Variants in RSPO2 observed in about 807,000 individuals in gnomAD.
RSPO2 encodes R-spondin-2.
A neutral mutation model predicts 30.9 loss-of-function variants in RSPO2; 14 were observed. That is an observed-to-expected ratio of 0.45 (90% CI 0.30 to 0.71). The LOEUF (loss-of-function observed/expected upper bound fraction) is 0.71, where lower values mean the gene tolerates loss of function less well. Ranked by LOEUF, RSPO2 falls within the 30% of genes least tolerant of loss-of-function variation. The probability of loss-of-function intolerance (pLI) is 0.08; values close to 1 mark genes in which losing one functional copy is unlikely to be tolerated. For missense variants in RSPO2, 264 were observed against 301.9 expected, an observed-to-expected ratio of 0.87 and a Z score of 0.93; for synonymous variants, 107 against 96.4, an observed-to-expected ratio of 1.11 and a Z score of -0.64.
intron 2 of RSPO2, among the ~76,000 whole-genome samples, chr8:108,072,581 G>A (rs183915742): frequency 3.0e-4 from 44 of 147,486 alleles, no homozygotes; most frequent in Admixed American, 2.4e-3. Context: ...CTCGTGATCC[G>A]CCCGCCTCGG....
chr8:107,942,498 T>A (rs1174406366), intron 5 of RSPO2, among the ~76,000 whole-genome samples: 3 of 152,208 alleles, frequency 2.0e-5, no homozygotes, highest in Admixed American at 1.3e-4. Flanking sequence ...GATATTTTGA[T>A]TCTCTTATAG....
intron 2 of RSPO2, among the ~76,000 whole-genome samples, chr8:108,042,490 C>T (rs1444037254): frequency 6.6e-6 from 1 of 152,138 alleles, no homozygotes; most frequent in Admixed American, 6.6e-5. Context: ...TGATTACCTG[C>T]AACCCAAGTC....
At chr8:108,083,018 C>T (rs1053534323) in intron 1 of RSPO2, 179 bp downstream of exon 1, 4 of 199,768 alleles carry the variant, frequency 2.0e-5, no homozygotes, top group Admixed American at 1.7e-4. Context: ...TTAGCAACCT[C>T]TGCCGAGCCC....
intron 2 of RSPO2, among the ~76,000 whole-genome samples, chr8:108,005,401 G>T (rs974849330): frequency 2.0e-5 from 3 of 152,102 alleles, no homozygotes; most frequent in Admixed American, 6.5e-5. Flanking sequence ...AAGAATTGAT[G>T]ATTTTTGCCT....
chr8:107,903,772 T>C (rs1222606752), intron 5 of RSPO2, among the ~76,000 whole-genome samples: 2 of 152,228 alleles, frequency 1.3e-5, no homozygotes, highest in East Asian at 3.9e-4. Context: ...TGCTATTGTT[T>C]GGTTGGTTGG....
chr8:108,001,888 G>C (rs867344606), intron 2 of RSPO2, among the ~76,000 whole-genome samples: 3 of 152,114 alleles, frequency 2.0e-5, no homozygotes, highest in Admixed American at 6.5e-5. Flanking sequence ...TGTCTGGCAG[G>C]GGGTGGGGGC....
intron 5 of RSPO2, among the ~76,000 whole-genome samples, chr8:107,950,237 CAG>C (rs779175716): frequency 3.0e-4 from 46 of 152,122 alleles, no homozygotes; most frequent in Non-Finnish European, 5.4e-4. Flanking sequence ...TGTGTATAAA[CAG>C]ATACATACAT....
intron 2 of RSPO2, among the ~76,000 whole-genome samples, chr8:108,011,240 G>GA (rs1468309416): frequency 6.9e-5 from 9 of 131,280 alleles, no homozygotes; most frequent in African/African-American, 1.9e-4. Flanking sequence ...AAAGGAAAAG[G>GA]AAAGGAAAGG....
chr8:108,003,297 ATATATATATATATATTTTTTTTTTT>A (rs1563559042), intron 2 of RSPO2, among the ~76,000 whole-genome samples: 33 of 23,322 alleles, frequency 1.4e-3, no homozygotes, highest in African/African-American at 5.0e-3. Context: ...ATATATATAT[ATATATATATATATATTTTTTTTTTT>A]TTTTTTTTTT....
chr8:107,931,554 A>G (rs1258954374), intron 5 of RSPO2, among the ~76,000 whole-genome samples: 1 of 152,210 alleles, frequency 6.6e-6, no homozygotes, highest in East Asian at 1.9e-4. Context: ...ATCAAGTAAA[A>G]TAGAATAAAG....
At chr8:107,956,440 CTT>C (rs1232290611) in intron 5 of RSPO2, among the ~76,000 whole-genome samples, 7 of 152,118 alleles carry the variant, frequency 4.6e-5, no homozygotes, top group African/African-American at 1.7e-4. Flanking sequence ...TTTGGCGTAA[CTT>C]AAATTGCTGA....
At chr8:107,991,447 C>T (rs1201924777) in intron 2 of RSPO2, among the ~76,000 whole-genome samples, 3 of 152,056 alleles carry the variant, frequency 2.0e-5, no homozygotes, top group Non-Finnish European at 4.4e-5. Flanking sequence ...ACTATAAAAA[C>T]CCTGGAAGAA....
At chr8:107,936,183 T>C (rs536405581) in intron 5 of RSPO2, among the ~76,000 whole-genome samples, 1 of 152,306 alleles carries the variant, frequency 6.6e-6, no homozygotes, top group African/African-American at 2.4e-5. Context: ...CTTCTACATA[T>C]GAGAACATGT....
chr8:108,008,920 A>G (rs1586623870), intron 2 of RSPO2, among the ~76,000 whole-genome samples: 1 of 152,134 alleles, frequency 6.6e-6, no homozygotes, highest in African/African-American at 2.4e-5. Context: ...GAATATTGGC[A>G]AATCAAAATG....
At chr8:107,915,262 G>A (rs1173971191) in intron 5 of RSPO2, among the ~76,000 whole-genome samples, 1 of 152,074 alleles carries the variant, frequency 6.6e-6, no homozygotes, top group Non-Finnish European at 1.5e-5. Flanking sequence ...AAAATTATTG[G>A]AGACATCCCA....
chr8:107,902,309 G>A (rs1177845136), intron 5 of RSPO2, among the ~76,000 whole-genome samples: 1 of 152,070 alleles, frequency 6.6e-6, no homozygotes, highest in Non-Finnish European at 1.5e-5. Flanking sequence ...ATTTTATCTT[G>A]TAATTCTATA....
chr8:108,011,148 A>AAAAGAAAG (rs1554581781), intron 2 of RSPO2, among the ~76,000 whole-genome samples: 1 of 140,484 alleles, frequency 7.1e-6, no homozygotes, highest in Non-Finnish European at 1.5e-5. Context: ...AAAAAAAAAA[A>AAAAGAAAG]AAAGAAAGAA....
intron 5 of RSPO2, among the ~76,000 whole-genome samples, chr8:107,948,863 AAAAAAATAAAT>A (rs1220456219): frequency 8.8e-6 from 1 of 114,132 alleles, no homozygotes; most frequent in Non-Finnish European, 2.0e-5. Context: ...CCATCTCAAA[AAAAAAATAAAT>A]AAATAAATAA....
chr8:107,930,540 C>G (rs1386765377), intron 5 of RSPO2, among the ~76,000 whole-genome samples: 1 of 152,180 alleles, frequency 6.6e-6, no homozygotes, highest in African/African-American at 2.4e-5. Flanking sequence ...ACCTTTGTTA[C>G]ACCATATTGC....
Sources: gnomAD v4.1 joint callset for allele counts (sites outside exome capture counted in the v4.1 genomes callset) on GRCh38, gnomAD v4.1.1 for gene constraint, MANE v1.5 for transcripts, NCBI Gene and HGNC (gene_info 2026-07-23, HGNC 2026-07-21) for gene names.